The following MRTFA variants were observed in gnomAD, a reference collection of about 807,000 sequenced individuals.
MRTFA encodes the protein myocardin-related transcription factor A.
Under a neutral mutation model 83.5 loss-of-function variants are expected in MRTFA, and 20 were observed. The observed-to-expected ratio is 0.24, with a 90% confidence interval of 0.17 to 0.35. The LOEUF (loss-of-function observed/expected upper bound fraction) is 0.35, where lower values mean the gene tolerates loss of function less well. Among genes scored for constraint, MRTFA ranks in the 10% least tolerant of loss-of-function variants. The pLI is 1.00. For synonymous variants in MRTFA, 659 were observed against 541.2 expected, an observed-to-expected ratio of 1.22 and a Z score of -3.02; for missense variants, 1,200 against 1,224.7, an observed-to-expected ratio of 0.98 and a Z score of 0.30.
intron 1 of MRTFA, among the ~76,000 whole-genome samples, chr22:40,595,151 C>T (rs529015992): frequency 3.0e-5 from 4 of 133,600 alleles, no homozygotes; most frequent in South Asian, 2.4e-4. Flanking sequence ...CAAGGAGTCT[C>T]GCTCTGTCGC....
At chr22:40,477,161 C>A (rs375852921) in intron 3 of MRTFA, among the ~76,000 whole-genome samples, 3 of 116,238 alleles carry the variant, frequency 2.6e-5, no homozygotes, top group South Asian at 3.0e-4. Context: ...GAAACCCTGT[C>A]TCTACTAAAA....
intron 1 of MRTFA, among the ~76,000 whole-genome samples, chr22:40,627,364 T>C (rs1201176692): frequency 6.6e-6 from 1 of 152,172 alleles, no homozygotes; most frequent in Non-Finnish European, 1.5e-5. Flanking sequence ...TCCTCCCACC[T>C]TGTCCTCCCA....
At chr22:40,520,180 A>T (rs896399154) in intron 3 of MRTFA, among the ~76,000 whole-genome samples, 11 of 152,162 alleles carry the variant, frequency 7.2e-5, no homozygotes, top group Non-Finnish European at 1.0e-4. Flanking sequence ...CACACAATTT[A>T]AAAAATTGAG....
chr22:40,419,414 AG>A, intron 11 of MRTFA, 30 bp from the exon 12 acceptor site: 2 of 1,605,444 alleles, frequency 1.2e-6, no homozygotes. Flanking sequence ...CAGGGAGGCC[AG>A]GGGCAGCTGG....
intron 2 of MRTFA, among the ~76,000 whole-genome samples, chr22:40,566,777 G>GACA (rs1569331799): frequency 1.3e-5 from 2 of 152,196 alleles, no homozygotes; most frequent in African/African-American, 4.8e-5. Context: ...AGGTTGCAGT[G>GACA]AGCCGACATC....
At chr22:40,423,458 C>A in intron 9 of MRTFA, 78 bp downstream of exon 9, 1 of 1,286,116 alleles carries the variant, frequency 7.8e-7, no homozygotes, top group Non-Finnish European at 1.0e-6. Context: ...ACAGCTGTCC[C>A]CACAGCTGGA....
intron 2 of MRTFA, among the ~76,000 whole-genome samples, chr22:40,589,318 A>G (rs991747191): frequency 2.0e-5 from 3 of 152,248 alleles, no homozygotes; most frequent in Non-Finnish European, 4.4e-5. Context: ...TATCAGACTG[A>G]GAATAATATA....
At chr22:40,626,147 C>A (rs2056579458) in intron 1 of MRTFA, among the ~76,000 whole-genome samples, 1 of 152,082 alleles carries the variant, frequency 6.6e-6, no homozygotes, top group African/African-American at 2.4e-5. Context: ...CCACACCCGG[C>A]TGATTTTTTT....
chr22:40,516,025 C>T (rs1300138318), intron 3 of MRTFA, among the ~76,000 whole-genome samples: 1 of 152,110 alleles, frequency 6.6e-6, no homozygotes, highest in Non-Finnish European at 1.5e-5. Flanking sequence ...AATCGGTTGA[C>T]CAAAAGCCTA....
At chr22:40,587,933 G>A in intron 2 of MRTFA, 1 of 388,004 alleles carries the variant, frequency 2.6e-6, no homozygotes, top group South Asian at 3.5e-5. Context: ...AGGAGACAAA[G>A]TGACATTTTT....
chr22:40,462,192 A>G (rs1237971579), intron 4 of MRTFA, among the ~76,000 whole-genome samples: 3 of 152,196 alleles, frequency 2.0e-5, no homozygotes, highest in Non-Finnish European at 2.9e-5. Context: ...TGAACTTACC[A>G]ACTGCATTTC....
chr22:40,459,976 G>A lies in MRTFA; in HGVS notation c.307+3245C>T, dbSNP rs149406995. On this transcript the variant is annotated intron_variant, in intron 4 of 14. Coordinates refer to ENST00000355630, the MANE Select transcript of MRTFA (RefSeq NM_020831.6). The stretch of plus-strand genomic sequence containing the variant: ...ATTTGTCTTTTTGAGACGGGGTCTC[G>A]CTGTTGCCTAGGCTGGAGTGCGGTG... 5.7e-3 allele frequency among the ~76,000 whole-genome samples: 857 copies of A among 151,380 alleles called. 10 individuals are homozygous for A. The highest frequency in any genetic ancestry group is 0.02 in the African/African-American group (821 of 41,196).
At chr22:40,603,540 T>G (rs1030249372) in intron 1 of MRTFA, among the ~76,000 whole-genome samples, 13 of 152,150 alleles carry the variant, frequency 8.5e-5, no homozygotes, top group African/African-American at 3.1e-4. Context: ...GGGAGTGGCT[T>G]AGCACATGGA....
intron 4 of MRTFA, among the ~76,000 whole-genome samples, chr22:40,456,594 G>A (rs996440389): frequency 2.0e-5 from 3 of 152,210 alleles, no homozygotes; most frequent in Non-Finnish European, 4.4e-5. Context: ...AGGCTGAGGT[G>A]GGAGGATGGT....
chr22:40,476,200 T>C (rs2053994585), intron 3 of MRTFA, among the ~76,000 whole-genome samples: 1 of 151,708 alleles, frequency 6.6e-6, no homozygotes, highest in African/African-American at 2.4e-5. Flanking sequence ...TCAGTTGGTA[T>C]TAAAGTTTCA....
At chr22:40,548,891 CAA>C (rs879301578) in intron 3 of MRTFA, among the ~76,000 whole-genome samples, 16 of 128,144 alleles carry the variant, frequency 1.2e-4, no homozygotes, top group Admixed American at 3.2e-4. Context: ...CTTACATCTA[CAA>C]AAAAAAAAAA....
chr22:40,500,792 T>A lies in MRTFA; in HGVS notation c.242-37506A>T, dbSNP rs2054454515. ...AAATGAAAAGTCTCCCATGTCTACT[T>A]CTTTCTACACAGACACGGCAACCAT... On this transcript the variant is annotated intron_variant, in intron 3 of 14. Coordinates refer to ENST00000355630, the MANE Select transcript of MRTFA (RefSeq NM_020831.6). Among the ~76,000 whole-genome samples the A allele has an allele frequency of 4.0e-5, 6 of 151,484 alleles. No homozygotes were observed. The South Asian group carries it at 1.0e-3, about 26-fold the overall frequency.
At chr22:40,542,473 A>G (rs970412202) in intron 3 of MRTFA, among the ~76,000 whole-genome samples, 12 of 152,200 alleles carry the variant, frequency 7.9e-5, no homozygotes, top group African/African-American at 2.9e-4. Context: ...TTCCATGACA[A>G]TAAGAACTTT....
chr22:40,468,412 T>C (rs191551954), intron 3 of MRTFA, among the ~76,000 whole-genome samples: 1 of 152,006 alleles, frequency 6.6e-6, no homozygotes, highest in African/African-American at 2.4e-5. Flanking sequence ...TAGAAAAGAA[T>C]AGGAAGGTGG....
Sources: gnomAD v4.1 joint callset for allele counts (sites outside exome capture counted in the v4.1 genomes callset) on GRCh38, gnomAD v4.1.1 for gene constraint, MANE v1.5 for transcripts, NCBI Gene and HGNC (gene_info 2026-07-23, HGNC 2026-07-21) for gene names.